Variants in C8orf34 observed in about 807,000 individuals in gnomAD.
The protein encoded by C8orf34 is chromosome 8 open reading frame 34, also known as uncharacterized protein C8orf34.
A neutral mutation model predicts 68.3 loss-of-function variants in C8orf34; 65 were observed. That is an observed-to-expected ratio of 0.95 (90% CI 0.78 to 1.17). C8orf34 has a LOEUF of 1.17. Among genes scored for constraint, C8orf34 ranks in the 50% most tolerant of loss-of-function variants. The probability of loss-of-function intolerance (pLI) is 0.00; values close to 1 mark genes in which losing one functional copy is unlikely to be tolerated. For synonymous variants in C8orf34, 244 were observed against 241.2 expected (o/e 1.01, Z -0.11); for missense variants, 664 against 655.4 (o/e 1.01, Z -0.14).
chr8:68,491,527 C>T (rs1272545413), intron 5 of C8orf34, among the ~76,000 whole-genome samples: 1 of 152,082 alleles, frequency 6.6e-6, no homozygotes, highest in Admixed American at 6.6e-5. Flanking sequence ...TGCATGGCCC[C>T]CTTGTTATCC....
intron 1 of C8orf34, among the ~76,000 whole-genome samples, chr8:68,431,300 A>G (rs1810442223): frequency 1.3e-5 from 2 of 152,188 alleles, no homozygotes; most frequent in Non-Finnish European, 2.9e-5. Context: ...TAAATGATAA[A>G]AGGCTAAAAT....
chr8:68,454,325 T>C (rs1299940320), intron 3 of C8orf34, among the ~76,000 whole-genome samples: 1 of 152,092 alleles, frequency 6.6e-6, no homozygotes, highest in African/African-American at 2.4e-5. Flanking sequence ...TTTGGAAGAA[T>C]AGATAAAACT....
intron 5 of C8orf34, among the ~76,000 whole-genome samples, chr8:68,513,304 C>T (rs560492807): frequency 3.3e-5 from 5 of 152,300 alleles, no homozygotes; most frequent in South Asian, 2.1e-4. Flanking sequence ...ACATCATACA[C>T]AGCACAGACA....
At chr8:68,605,222 G>A (rs1006985214) in intron 7 of C8orf34, among the ~76,000 whole-genome samples, 1 of 152,152 alleles carries the variant, frequency 6.6e-6, no homozygotes, top group African/African-American at 2.4e-5. Flanking sequence ...ATGCTGGCAA[G>A]GATTTGGAGC....
rs556564660 is a variant in C8orf34 at position 68,439,759 on chromosome 8, T to A, written c.475+113T>A. On this transcript the variant is annotated intron_variant, in intron 2 of 13. Coordinates refer to ENST00000518698, the MANE Select transcript of C8orf34 (RefSeq NM_052958.4). ...AGATAGATAGTTACCAAAGGTTTCATGTGTTCATCTCTGACCTTACCTAGA... is the reference window on the plus strand; with the variant it reads ...AGATAGATAGTTACCAAAGGTTTCAAGTGTTCATCTCTGACCTTACCTAGA... 4.2e-5 allele frequency: 43 copies of A among 1,028,686 alleles called. 1 individual carries two copies. In the South Asian group the frequency reaches 6.7e-4, roughly 16 times the overall value. 63.7% of individuals were successfully genotyped at this position (1,028,686 alleles called of 1,614,324 possible).
chr8:68,552,525 C>G (rs1437102584), intron 7 of C8orf34, among the ~76,000 whole-genome samples: 1 of 151,998 alleles, frequency 6.6e-6, no homozygotes, highest in Non-Finnish European at 1.5e-5. Context: ...ATTTTGTACA[C>G]TAATTTTTTT....
intron 8 of C8orf34, among the ~76,000 whole-genome samples, chr8:68,683,358 T>A (rs773954842): frequency 4.0e-5 from 6 of 150,742 alleles, no homozygotes; most frequent in Non-Finnish European, 8.9e-5. Context: ...CTATACTAGA[T>A]GGTGAGGAAC....
intron 5 of C8orf34, among the ~76,000 whole-genome samples, chr8:68,495,466 C>A (rs556185452): frequency 1.3e-5 from 2 of 152,186 alleles, no homozygotes; most frequent in South Asian, 4.2e-4. Context: ...TTACTAATAT[C>A]TTGGGAAATA....
intron 7 of C8orf34, among the ~76,000 whole-genome samples, chr8:68,618,193 A>G (rs1434921): frequency 0.3 from 44,839 of 151,970 alleles, 8,425 homozygotes; most frequent in African/African-American, 0.55. Flanking sequence ...AAAATTGCAA[A>G]AGTAATGATA....
chr8:68,610,939 A>G (rs111919534), intron 7 of C8orf34, among the ~76,000 whole-genome samples: 4 of 143,880 alleles, frequency 2.8e-5, no homozygotes, highest in African/African-American at 1.1e-4. Flanking sequence ...ATCTCAGCTC[A>G]CTGCAACCTC....
At chr8:68,350,816 T>C (rs143243976) in intron 1 of C8orf34, among the ~76,000 whole-genome samples, 1,608 of 152,156 alleles carry the variant, frequency 0.011, 43 homozygotes, top group East Asian at 0.1. Flanking sequence ...GCTTGGTAGA[T>C]TTTCCTCCGT....
intron 8 of C8orf34, among the ~76,000 whole-genome samples, chr8:68,661,270 G>T (rs1001787216): frequency 6.6e-6 from 1 of 152,198 alleles, no homozygotes; most frequent in African/African-American, 2.4e-5. Context: ...CAGAGACCTG[G>T]TGCTCCATTT....
intron 7 of C8orf34, among the ~76,000 whole-genome samples, chr8:68,569,760 T>C (rs1054181299): frequency 2.0e-5 from 3 of 152,218 alleles, no homozygotes; most frequent in African/African-American, 7.2e-5. Flanking sequence ...CACAGGACAA[T>C]GTCACTGTCA....
intron 1 of C8orf34, among the ~76,000 whole-genome samples, chr8:68,361,476 G>A (rs939964704): frequency 1.3e-5 from 2 of 152,188 alleles, no homozygotes; most frequent in African/African-American, 4.8e-5. Flanking sequence ...GAGCTCTGAA[G>A]GAAGGATCTG....
rs1337354298 is a variant in C8orf34, at chr8:68,708,997, T to A, written c.1245T>A (p.Leu415=). 1.2e-6 allele frequency: 2 copies of A among 1,601,146 alleles called. No individual in the cohort carries two copies. The highest frequency in any genetic ancestry group is 2.7e-5 in the African/African-American group (2 of 74,178). The part of the protein sequence containing the change: ...TLNICSRCAR[L]QGDNLEERTE... ...ATGATCATTTTTAATTATTTAGGCT[T>A]CAAGGAGACAACCTGGAAGAAAGGA... Residue 415 remains leucine (L), a synonymous_variant, in exon 9 of 14, where the codon CTT becomes CTA. Transcript: ENST00000518698.
chr8:68,807,751 T>C (rs1824529010), intron 12 of C8orf34, among the ~76,000 whole-genome samples: 1 of 152,226 alleles, frequency 6.6e-6, no homozygotes, highest in African/African-American at 2.4e-5. Context: ...TGTTATCTTC[T>C]TCTAGAGAGT....
intron 4 of C8orf34, among the ~76,000 whole-genome samples, chr8:68,471,135 T>G (rs1812361972): frequency 6.6e-6 from 1 of 152,146 alleles, no homozygotes; most frequent in Non-Finnish European, 1.5e-5. Context: ...TGAAGTGTCA[T>G]AGTCAACTCC....
intron 7 of C8orf34, among the ~76,000 whole-genome samples, chr8:68,621,689 T>G (rs1214382200): frequency 3.3e-5 from 5 of 152,226 alleles, no homozygotes; most frequent in African/African-American, 1.2e-4. Context: ...GTTTGGAATC[T>G]TAACTGTTTT....
At chr8:68,792,085 G>T (rs1331091916) in intron 12 of C8orf34, 1 of 152,014 alleles carries the variant, frequency 6.6e-6, no homozygotes, top group Non-Finnish European at 1.5e-5. Context: ...TAAGAACTGG[G>T]GCATTTAGAA....
Sources: gnomAD v4.1 joint callset for allele counts (sites outside exome capture counted in the v4.1 genomes callset) on GRCh38, gnomAD v4.1.1 for gene constraint, MANE v1.5 for transcripts, NCBI Gene and HGNC (gene_info 2026-07-23, HGNC 2026-07-21) for gene names.